Variants in ERCC6 observed in about 807,000 individuals in gnomAD.
ERCC6 encodes ERCC excision repair 6, chromatin remodeling factor, also known as DNA excision repair protein ERCC-6.
In ERCC6, 116 loss-of-function variants were observed where a neutral mutation model predicts 158.7. That is an observed-to-expected ratio of 0.73 (90% CI 0.63 to 0.85). The LOEUF is 0.85. ERCC6 is among the 40% of genes least tolerant of loss of function. The probability of loss-of-function intolerance (pLI) is 0.00; values close to 1 mark genes in which losing one functional copy is unlikely to be tolerated. For synonymous variants in ERCC6, 678 were observed against 659.3 expected, an observed-to-expected ratio of 1.03 and a Z score of -0.43; for missense variants, 1,698 against 1,799.4, an observed-to-expected ratio of 0.94 and a Z score of 1.02.
At chr10:49,528,722 G>A (rs188392002) in intron 3 of ERCC6, among the ~76,000 whole-genome samples, 197 bp from the exon 4 acceptor site, 15 of 152,294 alleles carry the variant, frequency 9.8e-5, no homozygotes, top group East Asian at 5.8e-4. Context: ...TAAAGGGGCC[G>A]TGAATATTCC....
rs1008324352 is a variant in ERCC6, at chr10:49,458,050, G to A, written c.*765C>T. The A allele has an allele frequency of 1.3e-5, 2 of 152,284 alleles. No homozygotes were observed. The highest frequency in any genetic ancestry group is 4.8e-5 in the African/African-American group (2 of 41,434). 9.4% of individuals were successfully genotyped at this position (152,284 alleles called of 1,614,324 possible). On this transcript the variant is annotated 3_prime_UTR_variant, in exon 21 of 21. Transcript: ENST00000355832. ...GTGATGTTTGTGTGCATGCATGTGT[G>A]TGGTTTTTATGTACCTACTTTTGGC...
chr10:49,528,331 G>T, intron 4 of ERCC6, 86 bp downstream of exon 4: 1 of 1,516,774 alleles, frequency 6.6e-7, no homozygotes, highest in Non-Finnish European at 9.1e-7. Flanking sequence ...CAAAACCCAG[G>T]CAAAGACTAA....
rs147284198 is a variant in ERCC6 at position 49,524,239 on chromosome 10, T to A, written c.1191A>T (p.Gly397=). 169 of 1,613,946 alleles carry A rather than the reference T, an allele frequency of 1.0e-4. No homozygotes were observed. Among genetic ancestry groups the A allele is most frequent in the Non-Finnish European group, 1.3e-4 (154 of 1,180,026 alleles). The change falls in exon 5 of 21, where the codon GGA becomes GGT. Residue 397 remains glycine, a synonymous_variant. Transcript: ENST00000355832. The part of the protein sequence containing the change: ...EVEGAEADLS[G]DGTDYELKPL... ...GCTTCAGCTCATAGTCAGTACCATC[T>A]CCAGACAGGTCCGCCTCTGCCCCCT... is the stretch of plus-strand genomic sequence containing the variant.
Position 49,457,503 on chromosome 10 carries a change from C to G in ERCC6, c.*1312G>C, listed in dbSNP as rs1411377739. ...GCAAGGCCCCCCTGCCCAGAACCCT[C>G]CTCTCTGAGTCACATGGATGAGCAG... On this transcript the variant is annotated 3_prime_UTR_variant, in exon 21 of 21. Transcript: ENST00000355832. The G allele has an allele frequency of 1.3e-5, 2 of 152,204 alleles. No homozygotes were observed. The allele number at this position is 152,204 out of a possible 1,614,324, so 9.4% of individuals were successfully genotyped here.
rs776367874 is a variant in ERCC6, at chr10:49,470,716, C to A, written c.3244G>T (p.Ala1082Ser). 1.6e-4 allele frequency: 258 copies of A among 1,613,988 alleles called. No homozygotes were observed. Among genetic ancestry groups the A allele is most frequent in the Non-Finnish European group, 2.1e-4 (253 of 1,180,040 alleles). Residue 1082 changes from alanine to serine, a missense_variant, in exon 18 of 21, where the codon GCA becomes TCA. Coordinates refer to ENST00000355832, the MANE Select transcript of ERCC6 (RefSeq NM_000124.4). ...KSEAKGAEVN[A>S]VTSNRSDPLK... ...GGATCACTTCGATTAGAAGTTACTG[C>A]ATTTACTTCAGCTCCTTTAGCCTCA...
At chr10:49,515,927 T>C (rs1463103780) in intron 5 of ERCC6, 1 of 1,614,150 alleles carries the variant, frequency 6.2e-7, no homozygotes, top group African/African-American at 1.3e-5. Context: ...CAAATGTGCC[T>C]CTTTCTTTTT....
chr10:49,536,745 C>CAG (rs1159037117), intron 1 of ERCC6, among the ~76,000 whole-genome samples: 42 of 152,288 alleles, frequency 2.8e-4, no homozygotes, highest in South Asian at 8.3e-4. Flanking sequence ...TGAACAATCT[C>CAG]CTCCTTCAGT....
At chr10:49,469,983 A>G (rs1050801076) in intron 18 of ERCC6, among the ~76,000 whole-genome samples, 199 bp downstream of exon 18, 9 of 152,224 alleles carry the variant, frequency 5.9e-5, no homozygotes, top group African/African-American at 2.2e-4. Flanking sequence ...CCAAAGTTTC[A>G]AATTATTCTA....
chr10:49,530,660 T>C, intron 3 of ERCC6, 60 bp downstream of exon 3: 2 of 1,597,620 alleles, frequency 1.3e-6, no homozygotes, highest in Non-Finnish European at 1.7e-6. Flanking sequence ...CTTCCTAAAT[T>C]AAGTGCCCCT....
At chr10:49,536,365 T>C (rs1217679103) in intron 1 of ERCC6, among the ~76,000 whole-genome samples, 1 of 151,982 alleles carries the variant, frequency 6.6e-6, no homozygotes, top group African/African-American at 2.4e-5. Context: ...ACAGAGGAGA[T>C]AACCCAGAAA....
At chr10:49,461,091 C>G (rs1269206640) in intron 19 of ERCC6, among the ~76,000 whole-genome samples, 2 of 152,168 alleles carry the variant, frequency 1.3e-5, no homozygotes, top group Non-Finnish European at 1.5e-5. Flanking sequence ...GTATCTCTTA[C>G]TATTTTTAAC....
Position 49,461,516 on chromosome 10 carries a change from A to C in ERCC6, c.3819T>G (p.Asp1273Glu), listed in dbSNP as rs199686337. 6.2e-7 allele frequency: 1 copy of C among 1,614,000 alleles called. No individual in the cohort carries two copies. Among genetic ancestry groups the C allele is most frequent in the Non-Finnish European group, 8.5e-7 (1 of 1,180,008 alleles). ...CCAGTACATAATCTGGGCTGGCTCC[A>C]TCCATGATGGCATCGTGCTTCATGA... ...HSVMKHDAIMDGASPDYVLVE... is the reference protein window; with the variant it reads ...HSVMKHDAIMEGASPDYVLVE... The change falls in exon 19 of 21, where the codon GAT (aspartate) becomes GAG (glutamate). Residue 1273 changes from aspartate (D) to glutamate (E), a missense_variant. Transcript: ENST00000355832.
intron 6 of ERCC6, 121 bp from the exon 7 acceptor site, chr10:49,500,817 T>A: frequency 1.0e-6 from 1 of 1,000,592 alleles, no homozygotes; most frequent in Non-Finnish European, 1.5e-6. Context: ...CAGAGAAACA[T>A]GCGGGATGTG....
In ERCC6 at chr10:49,532,937, T is replaced by G; in HGVS notation, c.28A>C (p.Ser10Arg). 6.2e-7 allele frequency: 1 copy of G among 1,614,238 alleles called. No homozygotes were observed. The change falls in exon 2 of 21, where the codon AGT (serine) becomes CGT (arginine). Residue 10 changes from serine to arginine, a missense_variant. Transcript: ENST00000355832. ...AAACAGTCTTGCTCCTGAGTTTGAC[T>G]TGAGTGGGGGATTCCCTCATTTGGC... is the stretch of plus-strand genomic sequence containing the variant. MPNEGIPHS[S>R]QTQEQDCLQS...
At chr10:49,451,275 T>C (rs1850417729), downstream of ERCC6, among the ~76,000 whole-genome samples, 1 of 152,058 alleles carries the variant, frequency 6.6e-6, no homozygotes, top group South Asian at 2.1e-4. Context: ...ACCTTTATTT[T>C]CTTCTTGCAT....
chr10:49,522,910 C>T (rs911568104), intron 5 of ERCC6, among the ~76,000 whole-genome samples: 1 of 152,152 alleles, frequency 6.6e-6, no homozygotes, highest in Non-Finnish European at 1.5e-5. Context: ...AATGTGAGTG[C>T]CGCAACTCTA....
At chr10:49,490,948 C>T (rs1190247294) in intron 8 of ERCC6, among the ~76,000 whole-genome samples, 2 of 152,170 alleles carry the variant, frequency 1.3e-5, no homozygotes, top group African/African-American at 4.8e-5. Flanking sequence ...GGACGAATCA[C>T]CACAAACAGA....
intron 5 of ERCC6, among the ~76,000 whole-genome samples, chr10:49,518,244 G>A (rs999072256): frequency 1.1e-4 from 17 of 152,346 alleles, no homozygotes; most frequent in Admixed American, 9.1e-4. Context: ...GGGACATTGG[G>A]TTGGAGTTGG....
intron 1 of ERCC6, among the ~76,000 whole-genome samples, chr10:49,537,070 G>A (rs924344289): frequency 1.3e-5 from 2 of 152,170 alleles, no homozygotes; most frequent in Non-Finnish European, 2.9e-5. Flanking sequence ...CATTTGCCGG[G>A]AGCGGTGGCT....
Sources: gnomAD v4.1 joint callset for allele counts (sites outside exome capture counted in the v4.1 genomes callset) on GRCh38, gnomAD v4.1.1 for gene constraint, MANE v1.5 for transcripts, NCBI Gene and HGNC (gene_info 2026-07-23, HGNC 2026-07-21) for gene names.